CNTN1: variants seen among roughly 807,000 people sequenced by gnomAD.
CNTN1 encodes the protein contactin 1, also known as contactin-1.
A neutral mutation model predicts 126.4 loss-of-function variants in CNTN1; 38 were observed. The observed-to-expected ratio is 0.30, with a 90% CI of 0.23 to 0.39. The LOEUF is 0.39. Among genes scored for constraint, CNTN1 ranks in the 10% least tolerant of loss-of-function variants. CNTN1 has a pLI of 1.00. For synonymous variants in CNTN1, 413 were observed against 422.6 expected (o/e 0.98, Z 0.28); for missense variants, 1,009 against 1,248.4 (o/e 0.81, Z 2.89).
intron 4 of CNTN1, among the ~76,000 whole-genome samples, chr12:40,920,392 A>T (rs1034523703): frequency 2.6e-5 from 4 of 152,030 alleles, no homozygotes; most frequent in African/African-American, 9.7e-5. Flanking sequence ...CCCAGCACTG[A>T]AATTCCCACT....
At chr12:41,068,081 T>C (rs1950085927) in intron 23 of CNTN1, among the ~76,000 whole-genome samples, 1 of 152,198 alleles carries the variant, frequency 6.6e-6, no homozygotes, top group Non-Finnish European at 1.5e-5. Flanking sequence ...AGTCCCTTGC[T>C]AAAGCTACCT....
intron 11 of CNTN1, 25 bp from the exon 12 acceptor site, chr12:40,939,310 A>T: frequency 6.2e-7 from 1 of 1,612,528 alleles, no homozygotes; most frequent in Non-Finnish European, 8.5e-7. Context: ...AGAAAGAGAA[A>T]GATAACAATT....
intron 1 of CNTN1, among the ~76,000 whole-genome samples, chr12:40,809,701 A>G (rs1422746604): frequency 1.3e-5 from 2 of 151,972 alleles, no homozygotes; most frequent in Admixed American, 1.3e-4. Flanking sequence ...CTGTAATCCC[A>G]GCTACTCAGG....
chr12:40,961,877 C>T (rs1947116858), intron 15 of CNTN1, among the ~76,000 whole-genome samples: 3 of 152,000 alleles, frequency 2.0e-5, no homozygotes, highest in African/African-American at 4.8e-5. Flanking sequence ...TTCAAAATTA[C>T]ATGTTTGTAA....
At chr12:41,039,733 A>G (rs947417909) in intron 23 of CNTN1, among the ~76,000 whole-genome samples, 1 of 152,140 alleles carries the variant, frequency 6.6e-6, no homozygotes, top group African/African-American at 2.4e-5. Context: ...AGATGGAGGA[A>G]ACAGAGATAG....
At chr12:40,998,675 A>G (rs978047404) in intron 17 of CNTN1, among the ~76,000 whole-genome samples, 8 of 152,126 alleles carry the variant, frequency 5.3e-5, no homozygotes, top group African/African-American at 1.9e-4. Flanking sequence ...AGAATTATAT[A>G]CTTAAGTGCT....
intron 1 of CNTN1, among the ~76,000 whole-genome samples, chr12:40,842,087 A>G (rs1822582548): frequency 2.6e-5 from 4 of 152,062 alleles, no homozygotes; most frequent in Admixed American, 2.6e-4. Context: ...ACCCTAATCT[A>G]AGTTAAGTTA....
chr12:40,705,339 G>C (rs995529362), intron 1 of CNTN1, among the ~76,000 whole-genome samples: 1 of 152,222 alleles, frequency 6.6e-6, no homozygotes, highest in East Asian at 1.9e-4. Flanking sequence ...TCTGCTTCAT[G>C]TTTGCCATAG....
chr12:40,740,648 T>C (rs1816858), intron 1 of CNTN1, among the ~76,000 whole-genome samples: 62,083 of 151,890 alleles, frequency 0.41, 13,180 homozygotes, highest in South Asian at 0.51. Flanking sequence ...CCTCCTGATA[T>C]GGTTTTATTG....
At chr12:40,775,039 A>G (rs1302878893) in intron 1 of CNTN1, among the ~76,000 whole-genome samples, 3 of 151,634 alleles carry the variant, frequency 2.0e-5, no homozygotes, top group South Asian at 4.1e-4. Flanking sequence ...AAAATGTACA[A>G]TAAATTATTG....
intron 1 of CNTN1, among the ~76,000 whole-genome samples, chr12:40,871,186 GAAAAAAAAAAAAAA>G (rs201485882): frequency 9.5e-4 from 108 of 113,556 alleles, no homozygotes; most frequent in Non-Finnish European, 1.7e-3. Context: ...CTGTTACAGA[GAAAAAAAAAAAAAA>G]AAAAAAAAAA....
intron 23 of CNTN1, among the ~76,000 whole-genome samples, chr12:41,056,995 TATAAA>T (rs1566234840): frequency 0.02 from 1,733 of 85,400 alleles, 170 homozygotes; most frequent in Non-Finnish European, 0.025. Flanking sequence ...TTATAAATAT[TATAAA>T]TATTTAGATA....
intron 23 of CNTN1, 135 bp downstream of exon 23, chr12:41,029,354 C>A: frequency 2.0e-6 from 2 of 986,496 alleles, no homozygotes; most frequent in Non-Finnish European, 3.2e-6. Context: ...ATCAAGGATT[C>A]CCTGAAACTT....
chr12:40,705,601 TACATGTG>T (rs1941718048), intron 1 of CNTN1, among the ~76,000 whole-genome samples: 1 of 152,226 alleles, frequency 6.6e-6, no homozygotes, highest in South Asian at 2.1e-4. Flanking sequence ...TACATATGTA[TACATGTG>T]ACATGCTGGT....
At chr12:40,967,986 A>C (rs1463235735) in intron 15 of CNTN1, among the ~76,000 whole-genome samples, 1 of 151,218 alleles carries the variant, frequency 6.6e-6, no homozygotes, top group Non-Finnish European at 1.5e-5. Context: ...ATTATATCAT[A>C]AAATGATATA....
intron 23 of CNTN1, among the ~76,000 whole-genome samples, chr12:41,039,879 G>T (rs1051217561): frequency 2.0e-5 from 3 of 152,054 alleles, no homozygotes; most frequent in African/African-American, 7.2e-5. Context: ...TATATATTAT[G>T]AATATTAGAA....
chr12:41,023,675 A>G (rs1302404603), intron 20 of CNTN1, among the ~76,000 whole-genome samples: 1 of 152,270 alleles, frequency 6.6e-6, no homozygotes, highest in African/African-American at 2.4e-5. Flanking sequence ...GATTTCAGTC[A>G]TCATAAAAGA....
At chr12:41,069,895 A>G in intron 23 of CNTN1, 64 bp from the exon 24 acceptor site, 6 of 1,345,176 alleles carry the variant, frequency 4.5e-6, no homozygotes, top group Non-Finnish European at 6.4e-6. Flanking sequence ...GCTGAAGCAG[A>G]CTAAATGAGC....
At chr12:41,012,331 A>C (rs1343099532) in intron 17 of CNTN1, among the ~76,000 whole-genome samples, 1 of 152,202 alleles carries the variant, frequency 6.6e-6, no homozygotes, top group Non-Finnish European at 1.5e-5. Context: ...ATTTACTATG[A>C]CATTATCTGA....
Sources: allele counts gnomAD v4.1 joint callset (sites outside exome capture counted in the v4.1 genomes callset), GRCh38; gene constraint gnomAD v4.1.1; transcripts MANE v1.5; gene names NCBI Gene and HGNC (gene_info 2026-07-23, HGNC 2026-07-21).